The following C4orf50 variants were observed in gnomAD, a reference collection of about 807,000 sequenced individuals.
C4orf50 encodes the protein chromosome 4 open reading frame 50.
In C4orf50, 80 loss-of-function variants were observed where a neutral mutation model predicts 77.2. The ratio of observed to expected loss-of-function variants is 1.04; its 90% CI spans 0.87 to 1.25. The LOEUF is 1.25. Ranked by LOEUF, C4orf50 falls within the 50% of genes most tolerant of loss-of-function variation. The pLI, the probability that C4orf50 is intolerant of heterozygous loss-of-function variation, is 0.00. For synonymous variants in C4orf50, 532 were observed against 465.3 expected (o/e 1.14, Z -1.84); for missense variants, 1,257 against 1,152.9 (o/e 1.09, Z -1.31).
intron 25 of C4orf50, among the ~76,000 whole-genome samples, chr4:5,995,474 AACACACACACACAC>A (rs55858229): frequency 1.3e-4 from 18 of 133,954 alleles, no homozygotes; most frequent in East Asian, 2.4e-4. Context: ...TGGGACTGGA[AACACACACACACAC>A]ACACACACAC....
Position 5,982,439 on chromosome 4 carries a change from G to A in C4orf50, c.3700-2101C>T, listed in dbSNP as rs112370193. ...CTGGCCTGAGATGGGCGGTGGTGAC[G>A]CTGCCCTCCAGGAGCTCAGGCGGGT... On this transcript the variant is annotated intron_variant, in intron 28 of 33. Transcript: ENST00000531445. Among the ~76,000 whole-genome samples the A allele has an allele frequency of 9.9e-3, 1,502 of 152,304 alleles. 15 individuals carry two copies. Among genetic ancestry groups the A allele is most frequent in the Non-Finnish European group, 0.015 (1,023 of 68,028 alleles).
In C4orf50 at chr4:5,990,434, T is replaced by A; in HGVS notation, c.1612A>T (p.Lys538Ter). 2.5e-6 allele frequency: 1 copy of A among 404,906 alleles called. No individual in the cohort carries two copies. Among genetic ancestry groups the A allele is most frequent in the Non-Finnish European group, 4.3e-6 (1 of 231,490 alleles). The allele number at this position is 404,906 out of a possible 1,614,324, so 25.1% of individuals were successfully genotyped here. The change falls in exon 28 of 34, where the codon AAA becomes TAA. Residue 538 changes from lysine (K) to a stop codon, truncating the protein, a stop_gained. Transcript: ENST00000531445. LOFTEE classifies it high-confidence loss of function. ...TCTTTCAGATCCTTGGGGTGTTTTT[T>A]CAGAAATGGGTGATTTGAAATGTAG...
chr4:5,999,515 C>T (rs757154266), intron 25 of C4orf50, among the ~76,000 whole-genome samples: 2 of 152,226 alleles, frequency 1.3e-5, no homozygotes, highest in Non-Finnish European at 2.9e-5. Flanking sequence ...ATTTCTATGC[C>T]TCACTTCCCA....
chr4:5,965,722 C>T (rs1202456742), intron 32 of C4orf50, among the ~76,000 whole-genome samples: 1 of 152,158 alleles, frequency 6.6e-6, no homozygotes. Flanking sequence ...AAGGACAGGC[C>T]CATCCTGAGG....
chr4:5,928,445 G>C (rs1276320882), intron 7 of C4orf50, among the ~76,000 whole-genome samples: 1 of 152,066 alleles, frequency 6.6e-6, no homozygotes, highest in Non-Finnish European at 1.5e-5. Context: ...AGGTCACCAA[G>C]GGAGTTCGTG....
intron 7 of C4orf50, among the ~76,000 whole-genome samples, chr4:5,946,168 C>T (rs1718472936): frequency 6.6e-6 from 1 of 152,178 alleles, no homozygotes; most frequent in Admixed American, 6.5e-5. Context: ...CCCTGTTCAC[C>T]CCTTGTCCTG....
Position 6,015,520 on chromosome 4 carries a change from A to C in C4orf50, c.287+2625T>G, listed in dbSNP as rs1447313791. Among the ~76,000 whole-genome samples, 1 of 150,632 alleles carries C rather than the reference A, an allele frequency of 6.6e-6. No homozygotes were observed. The highest frequency in any genetic ancestry group is 1.5e-5 in the Non-Finnish European group (1 of 67,586). On this transcript the variant is annotated intron_variant, in intron 23 of 33. Transcript: ENST00000531445. This position sits in a 1 kb window ranked among gnomAD's most constrained non-coding sequence, Gnocchi z 4.4. ...CCATTTCATTATAATGTTGATGAGA[A>C]AAAAAAAGATTCCCAGCCAGGGCCA...
At chr4:5,930,065 G>C (rs76164329) in intron 7 of C4orf50, among the ~76,000 whole-genome samples, 11,211 of 152,230 alleles carry the variant, frequency 0.074, 455 homozygotes, top group Non-Finnish European at 0.092. Context: ...TGACAACCAG[G>C]TGTTGATAGA....
chr4:5,955,297 G>T (rs540535975), downstream of C4orf50, among the ~76,000 whole-genome samples: 1 of 152,034 alleles, frequency 6.6e-6, no homozygotes, highest in African/African-American at 2.4e-5. The surrounding 1 kb of genome is among the most constrained non-coding windows in gnomAD (Gnocchi z 5.1). Flanking sequence ...TGAAATCACC[G>T]AGGCGGGGAG....
Position 5,987,412 on chromosome 4 carries a change from CAAAAAAAAA to C in C4orf50, c.3699+926_3699+934del, listed in dbSNP as rs58512584. ...GGTGACAGAGCGAGACTCTGTCTCACAAAAAAAAAAAAAAAAAAAAAAAGAATACAATAA... is the reference window on the plus strand; with the variant it reads ...GGTGACAGAGCGAGACTCTGTCTCACAAAAAAAAAAAAAAGAATACAATAA... On this transcript the variant is annotated intron_variant, in intron 28 of 33. Transcript: ENST00000531445. Among the ~76,000 whole-genome samples, 6 of 33,666 alleles carry C rather than the reference CAAAAAAAAA, an allele frequency of 1.8e-4. No homozygotes were observed. In the Admixed American group the frequency reaches 3.0e-3, roughly 17 times the overall value. The allele number at this position is 33,666 out of a possible 152,430, so 22.1% of individuals were successfully genotyped here. A position where few individuals can be genotyped will look rare whatever the true frequency, so the allele number is the denominator to read the frequency against.
chr4:5,908,805 C>T lies in C4orf50; in HGVS notation c.*2475-10617G>A, dbSNP rs959044912. Among the ~76,000 whole-genome samples the T allele has an allele frequency of 6.6e-6, 1 of 152,144 alleles. No homozygotes were observed. The highest frequency in any genetic ancestry group is 1.5e-5 in the Non-Finnish European group (1 of 68,030). The stretch of plus-strand genomic sequence containing the variant: ...GATGTGGGAAGGTCATACTTGGGGA[C>T]CATTTTGTCACTGCCCTTTCTCTCA... On this transcript the variant is annotated intron_variant, in intron 7 of 7. Transcript: ENST00000324058. This position sits in a 1 kb window ranked among gnomAD's most constrained non-coding sequence, Gnocchi z 5.6.
chr4:5,928,450 T>G (rs1002329626), intron 7 of C4orf50, among the ~76,000 whole-genome samples: 2 of 151,094 alleles, frequency 1.3e-5, no homozygotes, highest in African/African-American at 4.9e-5. Context: ...ACCAAGGGAG[T>G]TCGTGGAGCA....
chr4:5,930,974 C>G (rs1177063366), intron 7 of C4orf50, among the ~76,000 whole-genome samples: 1 of 152,168 alleles, frequency 6.6e-6, no homozygotes, highest in Non-Finnish European at 1.5e-5. Context: ...CAGGAGTGCA[C>G]AAACGCCTCG....
At chr4:5,941,348 T>C (rs1718255222) in intron 7 of C4orf50, among the ~76,000 whole-genome samples, 1 of 152,142 alleles carries the variant, frequency 6.6e-6, no homozygotes, top group South Asian at 2.1e-4. Flanking sequence ...GTTGCAGAGC[T>C]TGCCAGCAGC....
At chr4:5,946,946 T>C (rs1460614419) in intron 7 of C4orf50, among the ~76,000 whole-genome samples, 3 of 152,158 alleles carry the variant, frequency 2.0e-5, no homozygotes, top group South Asian at 2.1e-4. Context: ...TATAACAACG[T>C]GGGAGGTGAT....
At chr4:5,928,262 C>A (rs534298459) in intron 7 of C4orf50, among the ~76,000 whole-genome samples, 5 of 152,212 alleles carry the variant, frequency 3.3e-5, no homozygotes, top group African/African-American at 1.2e-4. Context: ...TCCTGGAATA[C>A]AAACTGCAAG....
rs1220817770 is a variant in C4orf50, at chr4:6,015,822, G to A, written c.287+2323C>T. 6.6e-6 allele frequency among the ~76,000 whole-genome samples: 1 copy of A among 152,158 alleles called. No homozygotes were observed. Among genetic ancestry groups the A allele is most frequent in the African/African-American group, 2.4e-5 (1 of 41,438 alleles). On this transcript the variant is annotated intron_variant, in intron 23 of 33. Coordinates refer to ENST00000531445, the Ensembl canonical transcript of C4orf50. This position sits in a 1 kb window ranked among gnomAD's most constrained non-coding sequence, Gnocchi z 4.4. Reference sequence around the variant, plus strand: ...CAGCTGCATGCAATCCCACACTGGCGGCCACACTGCCATCCCTAGACTCAA... The same window carrying A: ...CAGCTGCATGCAATCCCACACTGGCAGCCACACTGCCATCCCTAGACTCAA...
At chr4:5,990,802 A>C (rs1217744766) in exon 28 of C4orf50, 1 of 399,018 alleles carries the variant, frequency 2.5e-6, no homozygotes, top group Non-Finnish European at 4.4e-6. Context: ...CTGTTCATCC[A>C]AGCTGGGCTC....
intron 7 of C4orf50, among the ~76,000 whole-genome samples, chr4:5,934,567 C>G (rs1717924711): frequency 6.6e-6 from 1 of 152,106 alleles, no homozygotes; most frequent in Non-Finnish European, 1.5e-5. Flanking sequence ...CCACTTAACT[C>G]CTGGCATGTT....
Sources: gnomAD v4.1 joint callset for allele counts (sites outside exome capture counted in the v4.1 genomes callset) on GRCh38, gnomAD v4.1.1 for gene constraint, Gnocchi (gnomAD v3.1) non-coding constraint, MANE v1.5 for transcripts, NCBI Gene and HGNC (gene_info 2026-07-23, HGNC 2026-07-21) for gene names.